The following SNX9 variants were observed in gnomAD, a reference collection of about 807,000 sequenced individuals.
SNX9 encodes the protein sorting nexin-9.
SNX9 carries 44 observed loss-of-function variants against 89.4 expected under a neutral mutation model. The observed-to-expected ratio is 0.49, with a 90% CI of 0.39 to 0.63. The LOEUF (loss-of-function observed/expected upper bound fraction) is 0.63, where lower values mean the gene tolerates loss of function less well. Among genes scored for constraint, SNX9 ranks in the 30% least tolerant of loss-of-function variants. The pLI, the probability that SNX9 is intolerant of heterozygous loss-of-function variation, is 0.00. For synonymous variants in SNX9, 236 were observed against 247.8 expected (o/e 0.95, Z 0.45); for missense variants, 578 against 736.1 (o/e 0.79, Z 2.49).
At chr6:157,835,989 C>T (rs895613812) in intron 1 of SNX9, among the ~76,000 whole-genome samples, 3 of 152,092 alleles carry the variant, frequency 2.0e-5, no homozygotes, top group Non-Finnish European at 4.4e-5. Flanking sequence ...AGTGCCGTGG[C>T]GTGATCTGGG....
chr6:157,854,953 TAAA>T (rs538405265), intron 1 of SNX9, among the ~76,000 whole-genome samples: 5 of 129,320 alleles, frequency 3.9e-5, no homozygotes, highest in East Asian at 4.5e-4. Flanking sequence ...AGGTTCATGT[TAAA>T]AAAAAAAAAA....
At chr6:157,826,194 T>C (rs1291074588) in intron 1 of SNX9, among the ~76,000 whole-genome samples, 2 of 152,172 alleles carry the variant, frequency 1.3e-5, no homozygotes, top group African/African-American at 4.8e-5. Context: ...TTGACAGTCC[T>C]TCACTGCTAA....
chr6:157,932,418 C>G, intron 13 of SNX9, 146 bp downstream of exon 13: 1 of 651,378 alleles, frequency 1.5e-6, no homozygotes. Context: ...GCACTAAGGA[C>G]TTTTGCACCC....
intron 17 of SNX9, among the ~76,000 whole-genome samples, chr6:157,941,758 C>T (rs1027801766): frequency 6.6e-6 from 1 of 152,176 alleles, no homozygotes; most frequent in African/African-American, 2.4e-5. Context: ...CTCCAGCAGC[C>T]AGTTCTTAAA....
chr6:157,929,417 T>A (rs1783763404), intron 12 of SNX9, among the ~76,000 whole-genome samples: 1 of 152,234 alleles, frequency 6.6e-6, no homozygotes, highest in South Asian at 2.1e-4. Flanking sequence ...CCTGAAATGC[T>A]GCGACTGCAC....
intron 9 of SNX9, among the ~76,000 whole-genome samples, chr6:157,911,069 C>T (rs184999386): frequency 1.1e-4 from 17 of 152,080 alleles, no homozygotes; most frequent in East Asian, 7.7e-4. Flanking sequence ...GCCGAGATTG[C>T]GCCACCGCAC....
intron 13 of SNX9, among the ~76,000 whole-genome samples, chr6:157,934,472 A>G (rs1471171119): frequency 6.6e-6 from 1 of 152,214 alleles, no homozygotes; most frequent in Non-Finnish European, 1.5e-5. Context: ...ATACATCAAA[A>G]TGAAGGCATA....
chr6:157,866,871 C>T (rs1782274315), intron 1 of SNX9, among the ~76,000 whole-genome samples: 1 of 152,148 alleles, frequency 6.6e-6, no homozygotes, highest in Non-Finnish European at 1.5e-5. Flanking sequence ...CCAGAATGAA[C>T]AGTTTGTGTA....
intron 1 of SNX9, among the ~76,000 whole-genome samples, chr6:157,837,244 T>C (rs1781602398): frequency 6.6e-6 from 1 of 152,228 alleles, no homozygotes; most frequent in African/African-American, 2.4e-5. Context: ...ATATGCAAAA[T>C]GTCTCAACAC....
intron 9 of SNX9, among the ~76,000 whole-genome samples, chr6:157,914,010 G>A (rs1016904003): frequency 6.6e-6 from 1 of 151,942 alleles, no homozygotes; most frequent in African/African-American, 2.4e-5. Flanking sequence ...GTAAATAAGA[G>A]TAAAATGACT....
At chr6:157,886,552 A>G (rs943723465) in intron 4 of SNX9, among the ~76,000 whole-genome samples, 8 of 152,234 alleles carry the variant, frequency 5.3e-5, no homozygotes, top group African/African-American at 1.4e-4. Flanking sequence ...TATAAATTGT[A>G]TATAAATGGT....
intron 6 of SNX9, among the ~76,000 whole-genome samples, chr6:157,904,586 C>T (rs552393500): frequency 6.6e-6 from 1 of 152,184 alleles, no homozygotes; most frequent in African/African-American, 2.4e-5. Flanking sequence ...AGAAGCGCAC[C>T]TGTAGTCCCA....
rs947526939 is a variant in SNX9, at chr6:157,940,487, G to A, written c.1649-396G>A. On this transcript the variant is annotated intron_variant, in intron 16 of 17. Transcript: ENST00000392185. The stretch of plus-strand genomic sequence containing the variant: ...GGCTGGAGTACAGTGGTGCAATCCC[G>A]GCTCACTGCAACCTCCATCTCCTGA... Among the ~76,000 whole-genome samples, 8 of 152,230 alleles carry A rather than the reference G, an allele frequency of 5.3e-5. 1 individual carries two copies. Among genetic ancestry groups the A allele is most frequent in the African/African-American group, 1.7e-4 (7 of 41,532 alleles).
intron 1 of SNX9, among the ~76,000 whole-genome samples, chr6:157,840,236 C>G (rs1562590770): frequency 7.7e-6 from 1 of 130,384 alleles, no homozygotes; most frequent in Admixed American, 7.2e-5. Context: ...AGAGCAGACC[C>G]TCAGGCTGGT....
chr6:157,842,396 T>C (rs9364671), intron 1 of SNX9, among the ~76,000 whole-genome samples: 7,763 of 152,250 alleles, frequency 0.051, 222 homozygotes, highest in East Asian at 0.11. Flanking sequence ...AAAATCCTCA[T>C]GATGCAACTG....
chr6:157,838,462 G>A (rs570869011), intron 1 of SNX9, among the ~76,000 whole-genome samples: 31 of 152,284 alleles, frequency 2.0e-4, no homozygotes, highest in African/African-American at 6.3e-4. Context: ...GGTTGCTGTG[G>A]TAAAAGTATG....
intron 1 of SNX9, among the ~76,000 whole-genome samples, chr6:157,833,709 G>T (rs1781517338): frequency 6.6e-6 from 1 of 152,094 alleles, no homozygotes; most frequent in Non-Finnish European, 1.5e-5. Context: ...GGTTAGGCAG[G>T]GTTTCCAGCA....
chr6:157,871,731 C>G (rs770684993), intron 2 of SNX9, among the ~76,000 whole-genome samples: 89 of 149,698 alleles, frequency 5.9e-4, no homozygotes, highest in Non-Finnish European at 1.0e-3. Context: ...TAAATAGATT[C>G]AGTTTTAATC....
At chr6:157,926,780 C>CAAAAAA (rs71027371) in intron 10 of SNX9, among the ~76,000 whole-genome samples, 2 of 60,718 alleles carry the variant, frequency 3.3e-5, no homozygotes, top group African/African-American at 6.4e-5. Flanking sequence ...GACTCTGTCT[C>CAAAAAA]AAAAAAAAAA....
Sources: gnomAD v4.1 joint callset for allele counts (sites outside exome capture counted in the v4.1 genomes callset) on GRCh38, gnomAD v4.1.1 for gene constraint, MANE v1.5 for transcripts, NCBI Gene and HGNC (gene_info 2026-07-23, HGNC 2026-07-21) for gene names.